Variants in AGBL1 observed in about 807,000 individuals in gnomAD.
The protein encoded by AGBL1 is AGBL carboxypeptidase 1.
A neutral mutation model predicts 118.9 loss-of-function variants in AGBL1; 130 were observed. The observed-to-expected ratio is 1.09, with a 90% CI of 0.95 to 1.26. The LOEUF (loss-of-function observed/expected upper bound fraction) is 1.26, where lower values mean the gene tolerates loss of function less well. Ranked by LOEUF, AGBL1 falls within the 50% of genes most tolerant of loss-of-function variation. The pLI, the probability that AGBL1 is intolerant of heterozygous loss-of-function variation, is 0.00. For missense variants in AGBL1, 1,584 were observed against 1,298.1 expected (o/e 1.22, Z -3.38); for synonymous variants, 555 against 478.9 (o/e 1.16, Z -2.08).
In AGBL1 at chr15:86,657,884, G is replaced by A. The variant is rs138044184; in HGVS notation, c.2995-16389G>A. ...ATGGTGTCTTGGTGGGAAGCACCCT[G>A]GATTTAGGTTTAGGGGAGCTAAGTT... On this transcript the variant is annotated intron_variant, in intron 21 of 22. Coordinates refer to ENST00000614907, the MANE Select transcript of AGBL1 (RefSeq NM_001386094.1). 2.8e-3 allele frequency among the ~76,000 whole-genome samples: 418 copies of A among 151,880 alleles called. 3 individuals are homozygous for A. The highest frequency in any genetic ancestry group is 7.6e-3 in the African/African-American group (315 of 41,414).
At chr15:86,211,496 A>T (rs1035226134) in intron 5 of AGBL1, among the ~76,000 whole-genome samples, 1 of 152,202 alleles carries the variant, frequency 6.6e-6, no homozygotes, top group Admixed American at 6.5e-5. Context: ...AGCTCCACCC[A>T]GTTCAAGCTT....
chr15:86,473,913 G>A (rs1250712500), intron 18 of AGBL1, among the ~76,000 whole-genome samples: 2 of 152,062 alleles, frequency 1.3e-5, no homozygotes, highest in Admixed American at 6.5e-5. Flanking sequence ...AAAATTGTGT[G>A]GACTTGAACT....
intron 1 of AGBL1, among the ~76,000 whole-genome samples, chr15:86,082,043 ACTC>A (rs1208005816): frequency 6.6e-6 from 1 of 152,124 alleles, no homozygotes; most frequent in African/African-American, 2.4e-5. Context: ...CTTCCTGTTT[ACTC>A]CTCAGTTGAT....
intron 5 of AGBL1, among the ~76,000 whole-genome samples, chr15:86,201,638 C>T (rs1168695128): frequency 6.6e-6 from 1 of 152,178 alleles, no homozygotes; most frequent in Non-Finnish European, 1.5e-5. Context: ...TTTACCTCTA[C>T]CTCACCATGG....
chr15:87,027,602 A>G (rs1384726080), intron 24 of AGBL1, among the ~76,000 whole-genome samples: 3 of 152,000 alleles, frequency 2.0e-5, no homozygotes, highest in African/African-American at 2.4e-5. Flanking sequence ...TGGCAGCACT[A>G]TTCACAATAG....
chr15:86,571,756 G>A (rs1431972146), intron 21 of AGBL1, among the ~76,000 whole-genome samples: 1 of 152,182 alleles, frequency 6.6e-6, no homozygotes, highest in Non-Finnish European at 1.5e-5. Context: ...AGCAGCCATG[G>A]GTGGGCCCAG....
intron 18 of AGBL1, among the ~76,000 whole-genome samples, chr15:86,443,317 T>G (rs1483665930): frequency 6.6e-6 from 1 of 152,210 alleles, no homozygotes; most frequent in Non-Finnish European, 1.5e-5. Flanking sequence ...TTTTCCACTT[T>G]TGTTACTTTT....
chr15:86,657,368 G>C (rs1266244061), intron 21 of AGBL1, among the ~76,000 whole-genome samples: 1 of 152,160 alleles, frequency 6.6e-6, no homozygotes, highest in East Asian at 1.9e-4. Context: ...TATTCAGAAA[G>C]AGTTTTCTCT....
At chr15:86,084,585 A>C (rs1474667906) in intron 1 of AGBL1, among the ~76,000 whole-genome samples, 1 of 152,336 alleles carries the variant, frequency 6.6e-6, no homozygotes, top group Admixed American at 6.5e-5. Flanking sequence ...TAAGAAACCT[A>C]TGGAATATTC....
At chr15:86,981,502 T>C (rs1381811230) in intron 23 of AGBL1, among the ~76,000 whole-genome samples, 2 of 152,194 alleles carry the variant, frequency 1.3e-5, no homozygotes, top group African/African-American at 4.8e-5. Context: ...ATTATATGAG[T>C]ATTTTGTTCA....
intron 22 of AGBL1, among the ~76,000 whole-genome samples, chr15:86,816,313 C>A (rs1292704710): frequency 6.6e-6 from 1 of 152,152 alleles, no homozygotes; most frequent in African/African-American, 2.4e-5. Flanking sequence ...AGGCAGGTGG[C>A]CAGCTGTGAT....
At chr15:86,696,392 A>G (rs2142625824) in intron 22 of AGBL1, among the ~76,000 whole-genome samples, 1 of 151,956 alleles carries the variant, frequency 6.6e-6, no homozygotes, top group African/African-American at 2.4e-5. Flanking sequence ...CTGATATAAG[A>G]ATAGCTACTC....
At chr15:86,222,865 G>A (rs1032021410) in intron 5 of AGBL1, among the ~76,000 whole-genome samples, 4 of 152,062 alleles carry the variant, frequency 2.6e-5, no homozygotes, top group Non-Finnish European at 4.4e-5. Flanking sequence ...TCTCAACATC[G>A]AAAGGGTAAC....
intron 5 of AGBL1, among the ~76,000 whole-genome samples, chr15:86,181,147 C>T (rs543917859): frequency 5.9e-5 from 9 of 152,128 alleles, no homozygotes; most frequent in African/African-American, 1.9e-4. Context: ...ATTGTTCACA[C>T]ACTCCTCTTC....
chr15:86,831,934 C>T lies in AGBL1; in HGVS notation c.3159-75153C>T, dbSNP rs116269257. ...GCCTGGATATCCAGGTGTTTCCATACGTCTTCTGAAATCTAGGCAAATGTT... is the reference window on the plus strand; with the variant it reads ...GCCTGGATATCCAGGTGTTTCCATATGTCTTCTGAAATCTAGGCAAATGTT... On this transcript the variant is annotated intron_variant, in intron 22 of 22. Transcript: ENST00000614907. Among the ~76,000 whole-genome samples, 913 of 152,300 alleles carry T rather than the reference C, an allele frequency of 6.0e-3. 7 individuals are homozygous for T. The highest frequency in any genetic ancestry group is 0.012 in the African/African-American group (504 of 41,562).
At chr15:86,719,702 C>T (rs1216581761) in intron 22 of AGBL1, among the ~76,000 whole-genome samples, 1 of 152,122 alleles carries the variant, frequency 6.6e-6, no homozygotes, top group African/African-American at 2.4e-5. Context: ...TGATGGAAGA[C>T]ACAGGAATTT....
chr15:87,028,752 C>A lies in AGBL1; in HGVS notation c.3324-73C>A, dbSNP rs1218149905. 14 of 1,470,178 alleles carry A rather than the reference C, an allele frequency of 9.5e-6. No individual in the cohort carries two copies. The Admixed American group carries it at 2.5e-4, about 26-fold the overall frequency. 91.1% of individuals were successfully genotyped at this position (1,470,178 alleles called of 1,614,324 possible). On this transcript the variant is annotated intron_variant, in intron 24 of 24. Coordinates refer to the AGBL1 transcript ENST00000441037. ...TCGTATCTCTAAAAGGTCAATTTGC[C>A]AAACTTGTGGCACAAACCAGAAGTT... is the stretch of plus-strand genomic sequence containing the variant.
At chr15:86,636,921 A>C (rs1195798416) in intron 21 of AGBL1, among the ~76,000 whole-genome samples, 1 of 151,196 alleles carries the variant, frequency 6.6e-6, no homozygotes, top group Non-Finnish European at 1.5e-5. Flanking sequence ...GCTGGACTTA[A>C]GGTGGATTTA....
chr15:86,822,563 T>A (rs1297451447), intron 22 of AGBL1, among the ~76,000 whole-genome samples: 1 of 152,116 alleles, frequency 6.6e-6, no homozygotes, highest in Non-Finnish European at 1.5e-5. Flanking sequence ...ATGGGCACAA[T>A]GACAAGTATA....
Sources: allele counts gnomAD v4.1 joint callset (sites outside exome capture counted in the v4.1 genomes callset), GRCh38; gene constraint gnomAD v4.1.1; transcripts MANE v1.5; gene names NCBI Gene and HGNC (gene_info 2026-07-23, HGNC 2026-07-21).